The following CFAP99 variants were observed in gnomAD, a reference collection of about 807,000 sequenced individuals.
CFAP99 encodes cilia and flagella associated protein 99, also known as cilia- and flagella-associated protein 99.
CFAP99 carries 84 observed loss-of-function variants against 82.7 expected under a neutral mutation model. The ratio of observed to expected loss-of-function variants is 1.02; its 90% CI spans 0.85 to 1.22. CFAP99 has a LOEUF of 1.22. Ranked by LOEUF, CFAP99 falls within the 50% of genes most tolerant of loss-of-function variation. The probability of loss-of-function intolerance (pLI) is 0.00; values close to 1 mark genes in which losing one functional copy is unlikely to be tolerated. For missense variants in CFAP99, 1,059 were observed against 983.5 expected, an observed-to-expected ratio of 1.08 and a Z score of -1.03; for synonymous variants, 456 against 429.5, an observed-to-expected ratio of 1.06 and a Z score of -0.76.
rs60559586 is a variant in CFAP99, at chr4:2,436,081, C to CAA, written c.112-780_112-779dup. Among the ~76,000 whole-genome samples the CAA allele has an allele frequency of 1.7e-3, 210 of 125,444 alleles. 2 individuals carry two copies. The highest frequency in any genetic ancestry group is 4.9e-3 in the African/African-American group (174 of 35,844). 82.3% of individuals were successfully genotyped at this position (125,444 alleles called of 152,430 possible). ...GAGTGAGACCCTGTCTCAAAAACTT[C>CAA]AAAAAAAAAAAAAATCTATATATAT... On this transcript the variant is annotated intron_variant, in intron 2 of 14. Coordinates refer to ENST00000635017, the Ensembl canonical transcript of CFAP99.
chr4:2,448,906 G>A lies in CFAP99; in HGVS notation c.643-764G>A, dbSNP rs759619045. Among the ~76,000 whole-genome samples, 5 of 152,230 alleles carry A rather than the reference G, an allele frequency of 3.3e-5. No individual in the cohort carries two copies. The East Asian group carries it at 9.6e-4, about 29-fold the overall frequency. ...GAGATGGCTTGAAGCAGGTGGGCAG[G>A]AGATGGATGTGGGTGTGAGAGACAG... On this transcript the variant is annotated intron_variant, in intron 6 of 14. Coordinates refer to ENST00000635017, the Ensembl canonical transcript of CFAP99. The surrounding 1 kb of genome is among the most constrained non-coding windows in gnomAD (Gnocchi z 5.2).
chr4:2,455,072 A>G (rs1734396716), intron 11 of CFAP99, among the ~76,000 whole-genome samples: 1 of 150,556 alleles, frequency 6.6e-6, no homozygotes, highest in African/African-American at 2.5e-5. Flanking sequence ...GGCGTGCACC[A>G]CCTTTTTAGG....
At chr4:2,442,771 C>T (rs991954438) in intron 4 of CFAP99, among the ~76,000 whole-genome samples, 1 of 152,210 alleles carries the variant, frequency 6.6e-6, no homozygotes, top group African/African-American at 2.4e-5. Flanking sequence ...GGGGGCTGCT[C>T]CTCCCAGCTG....
rs1734240077 is a variant in CFAP99 at position 2,448,995 on chromosome 4, G to A, written c.643-675G>A. Among the ~76,000 whole-genome samples the A allele has an allele frequency of 6.6e-6, 1 of 152,204 alleles. No individual in the cohort carries two copies. The highest frequency in any genetic ancestry group is 2.4e-5 in the African/African-American group (1 of 41,448). On this transcript the variant is annotated intron_variant, in intron 6 of 14. Transcript: ENST00000635017. The surrounding 1 kb of genome is among the most constrained non-coding windows in gnomAD (Gnocchi z 5.2). The stretch of plus-strand genomic sequence containing the variant: ...GACAGCGGTCGTGGTCAGTGAGGCT[G>A]AGGGAGGGCTCGTTTGAGGAAGATG...
At chr4:2,454,581 CTTTTTTTTTTTTGT>C (rs1734380729) in intron 11 of CFAP99, among the ~76,000 whole-genome samples, 2 of 94,722 alleles carry the variant, frequency 2.1e-5, no homozygotes. Context: ...TGTTTTTTTT[CTTTTTTTTTTTTGT>C]TTTTTTTTTT....
chr4:2,431,442 G>A (rs1488720645), intron 2 of CFAP99, among the ~76,000 whole-genome samples: 5 of 152,168 alleles, frequency 3.3e-5, no homozygotes, highest in African/African-American at 7.2e-5. Flanking sequence ...CTGTGCAGAT[G>A]TAATTAAGTT....
intron 11 of CFAP99, among the ~76,000 whole-genome samples, chr4:2,458,494 C>T (rs926729235): frequency 1.3e-5 from 2 of 152,138 alleles, no homozygotes; most frequent in South Asian, 2.1e-4. Context: ...AAGGTTCCCC[C>T]CAAGACCACA....
chr4:2,434,242 G>A (rs529544108), intron 2 of CFAP99, among the ~76,000 whole-genome samples: 10 of 152,340 alleles, frequency 6.6e-5, no homozygotes, highest in African/African-American at 1.4e-4. Context: ...CAGGGATTGA[G>A]TTCAGGGAGC....
At chr4:2,420,757 A>G (rs1262667609) in intron 1 of CFAP99, among the ~76,000 whole-genome samples, 2 of 146,166 alleles carry the variant, frequency 1.4e-5, no homozygotes, top group Non-Finnish European at 2.9e-5. Context: ...TGGCAGCCCT[A>G]AAGTCCTCAA....
chr4:2,451,198 G>A, intron 9 of CFAP99, 66 bp from the exon 10 acceptor site: 3 of 1,515,714 alleles, frequency 2.0e-6, no homozygotes, highest in South Asian at 1.2e-5. Context: ...ATGAGGGCAG[G>A]ATGGGCATTT....
chr4:2,426,742 G>A, intron 2 of CFAP99, 156 bp downstream of exon 2: 1 of 606,688 alleles, frequency 1.6e-6, no homozygotes, highest in Non-Finnish European at 3.0e-6. Context: ...CTTCGTATGG[G>A]GAGGTGCTCC....
rs1162738756 is a variant in CFAP99 at position 2,446,377 on chromosome 4, A to G, written c.642+1069A>G. Among the ~76,000 whole-genome samples the G allele has an allele frequency of 1.1e-3, 9 of 7,828 alleles. No homozygotes were observed. Among genetic ancestry groups the G allele is most frequent in the African/African-American group, 2.6e-3 (6 of 2,302 alleles). 5.1% of individuals were successfully genotyped at this position (7,828 alleles called of 152,430 possible). A position where few individuals can be genotyped will look rare whatever the true frequency, so the allele number is the denominator to read the frequency against. ...TCATTTTATTATTGTTGTTATTATTATTATTATTATTATTATTATTATTAT... is the reference window on the plus strand; with the variant it reads ...TCATTTTATTATTGTTGTTATTATTGTTATTATTATTATTATTATTATTAT... On this transcript the variant is annotated intron_variant, in intron 6 of 14. Coordinates refer to ENST00000635017, the Ensembl canonical transcript of CFAP99. The surrounding 1 kb of genome is among the most constrained non-coding windows in gnomAD (Gnocchi z 5.0).
intron 2 of CFAP99, among the ~76,000 whole-genome samples, chr4:2,430,104 T>G: frequency 6.7e-6 from 1 of 149,752 alleles, no homozygotes. Flanking sequence ...TGCGGTGAAA[T>G]GCCAGAAAAT....
intron 1 of CFAP99, among the ~76,000 whole-genome samples, chr4:2,423,643 G>A (rs1733626385): frequency 6.6e-6 from 1 of 152,198 alleles, no homozygotes; most frequent in Non-Finnish European, 1.5e-5. Flanking sequence ...GGCAGGCCAT[G>A]AAGGGGGTGG....
At chr4:2,434,279 A>G (rs1733863448) in intron 2 of CFAP99, among the ~76,000 whole-genome samples, 1 of 152,208 alleles carries the variant, frequency 6.6e-6, no homozygotes, top group African/African-American at 2.4e-5. Context: ...TCCGTTTGGC[A>G]ATCAGAATGC....
At chr4:2,438,017 T>A in intron 3 of CFAP99, 53 bp from the exon 4 acceptor site, 1 of 1,090,004 alleles carries the variant, frequency 9.2e-7, no homozygotes, top group East Asian at 2.7e-5. Flanking sequence ...TCCCGCCGTG[T>A]GCCTGGTGCC....
chr4:2,440,149 C>CTTT lies in CFAP99; in HGVS notation c.351+1998_351+2000dup, dbSNP rs1253819268. On this transcript the variant is annotated intron_variant, in intron 4 of 14. Transcript: ENST00000635017. Reference sequence around the variant, plus strand: ...GAGCCACTGCGCCCAGCTTGACATTCTTTTTTTTTTTTTTTGAGACGGAGT... The same window carrying CTTT: ...GAGCCACTGCGCCCAGCTTGACATTCTTTTTTTTTTTTTTTTTTGAGACGGAGT... Among the ~76,000 whole-genome samples the CTTT allele has an allele frequency of 2.9e-5, 3 of 104,034 alleles. 1 individual carries two copies. The highest frequency in any genetic ancestry group is 9.2e-5 in the African/African-American group (2 of 21,734). The allele number at this position is 104,034 out of a possible 152,430, so 68.3% of individuals were successfully genotyped here.
At chr4:2,441,507 G>A (rs1186424557) in intron 4 of CFAP99, among the ~76,000 whole-genome samples, 3 of 152,194 alleles carry the variant, frequency 2.0e-5, no homozygotes, top group Non-Finnish European at 4.4e-5. Flanking sequence ...AGAGTGCTCA[G>A]GGGCTGCTGC....
In CFAP99 at chr4:2,422,061, G is replaced by T. The variant is rs937070486; in HGVS notation, c.-18+2968G>T. Among the ~76,000 whole-genome samples, 3 of 152,198 alleles carry T rather than the reference G, an allele frequency of 2.0e-5. No individual in the cohort carries two copies. The East Asian group carries it at 5.8e-4, about 29-fold the overall frequency. On this transcript the variant is annotated intron_variant, in intron 1 of 14. Transcript: ENST00000635017. ...TAAATCAGGAAAAAAATAAAATCAGGCTGAGAATTTGAGAATGCATGAATG... is the reference window on the plus strand; with the variant it reads ...TAAATCAGGAAAAAAATAAAATCAGTCTGAGAATTTGAGAATGCATGAATG...
Sources: allele counts gnomAD v4.1 joint callset (sites outside exome capture counted in the v4.1 genomes callset), GRCh38; gene constraint gnomAD v4.1.1; non-coding constraint Gnocchi (gnomAD v3.1); transcripts MANE v1.5; gene names NCBI Gene and HGNC (gene_info 2026-07-23, HGNC 2026-07-21).